Variants in TRIO observed in about 807,000 individuals in gnomAD.
TRIO encodes triple functional domain protein.
TRIO carries 58 observed loss-of-function variants against 351.9 expected under a neutral mutation model. That is an observed-to-expected ratio of 0.16 (90% CI 0.13 to 0.21). The LOEUF is 0.21. Ranked by LOEUF, TRIO falls within the 10% of genes least tolerant of loss-of-function variation. The probability of loss-of-function intolerance (pLI) is 1.00; values close to 1 mark genes in which losing one functional copy is unlikely to be tolerated. For synonymous variants in TRIO, 1,758 were observed against 1,595.7 expected (o/e 1.10, Z -2.42); for missense variants, 3,201 against 4,027.8 (o/e 0.79, Z 5.56).
At chr5:14,267,685 G>C (rs1430596167) in intron 1 of TRIO, among the ~76,000 whole-genome samples, 1 of 151,894 alleles carries the variant, frequency 6.6e-6, no homozygotes, top group East Asian at 1.9e-4. Flanking sequence ...GGTTCTTCCT[G>C]CTTTTTATTG....
At chr5:14,259,182 A>C (rs1795202260) in intron 1 of TRIO, among the ~76,000 whole-genome samples, 1 of 152,178 alleles carries the variant, frequency 6.6e-6, no homozygotes, top group East Asian at 1.9e-4. Flanking sequence ...TGATCAGTGA[A>C]TGTGTTTGAA....
intron 49 of TRIO, among the ~76,000 whole-genome samples, 200 bp downstream of exon 49, chr5:14,493,014 A>G (rs559671337): frequency 2.6e-5 from 4 of 152,334 alleles, no homozygotes; most frequent in Non-Finnish European, 5.9e-5. Context: ...TCTTTGAATA[A>G]TCTGCATTTA....
intron 34 of TRIO, among the ~76,000 whole-genome samples, chr5:14,429,865 G>A (rs562765810): frequency 1.1e-4 from 17 of 152,270 alleles, no homozygotes; most frequent in African/African-American, 3.9e-4. Flanking sequence ...GCTGACATGA[G>A]TGGTGGCATG....
intron 16 of TRIO, among the ~76,000 whole-genome samples, chr5:14,367,655 G>A (rs1199586228): frequency 2.6e-5 from 4 of 152,204 alleles, no homozygotes; most frequent in Admixed American, 6.5e-5. Context: ...CTGATTGGTA[G>A]TGGTGAGGTA....
intron 34 of TRIO, among the ~76,000 whole-genome samples, chr5:14,425,516 G>T (rs963077599): frequency 1.3e-5 from 2 of 152,202 alleles, no homozygotes; most frequent in Admixed American, 1.3e-4. Context: ...CTATGAACAT[G>T]GATGTACAAG....
chr5:14,481,411 T>C (rs962874448), intron 44 of TRIO, 127 bp downstream of exon 44: 1 of 1,472,990 alleles, frequency 6.8e-7, no homozygotes, highest in African/African-American at 1.4e-5. Flanking sequence ...GTCTCTCCAG[T>C]GCATCTCCAT....
At chr5:14,379,383 G>T (rs1745864311) in intron 20 of TRIO, among the ~76,000 whole-genome samples, 1 of 152,222 alleles carries the variant, frequency 6.6e-6, no homozygotes. Context: ...TCTGAAAAAT[G>T]TAAGTCTAGA....
chr5:14,222,538 C>T (rs1235669309), intron 1 of TRIO, among the ~76,000 whole-genome samples: 1 of 152,166 alleles, frequency 6.6e-6, no homozygotes, highest in Non-Finnish European at 1.5e-5. Context: ...ATAAAAGAAG[C>T]TGGGAAGCTT....
chr5:14,167,201 T>C (rs1788818364), intron 1 of TRIO, among the ~76,000 whole-genome samples: 1 of 151,564 alleles, frequency 6.6e-6, no homozygotes, highest in South Asian at 2.1e-4. Flanking sequence ...GATTTCTGTT[T>C]CCTAATGATT....
intron 1 of TRIO, among the ~76,000 whole-genome samples, chr5:14,148,136 C>G (rs1243017785): frequency 6.6e-6 from 1 of 152,108 alleles, no homozygotes; most frequent in Non-Finnish European, 1.5e-5. Flanking sequence ...ATTTAAGATT[C>G]AAATGAAAAT....
chr5:14,307,399 A>G (rs926227979), intron 8 of TRIO, among the ~76,000 whole-genome samples: 3 of 152,346 alleles, frequency 2.0e-5, no homozygotes, highest in South Asian at 4.1e-4. Flanking sequence ...TTAAAATGGA[A>G]CGTTCTTTAG....
At chr5:14,167,732 C>T (rs147372320) in intron 1 of TRIO, among the ~76,000 whole-genome samples, 126 of 152,222 alleles carry the variant, frequency 8.3e-4, no homozygotes, top group African/African-American at 2.8e-3. Flanking sequence ...GCAAGGGCCT[C>T]TAAGGAGCTC....
At chr5:14,183,982 A>T (rs1225900229) in intron 1 of TRIO, 1 of 697,844 alleles carries the variant, frequency 1.4e-6, no homozygotes, top group Non-Finnish European at 2.6e-6. Flanking sequence ...CCCAGACTTT[A>T]AAAAATACAG....
intron 1 of TRIO, among the ~76,000 whole-genome samples, chr5:14,170,504 CTCTCT>C (rs1238709523): frequency 2.4e-5 from 3 of 125,080 alleles, no homozygotes; most frequent in African/African-American, 6.8e-5. Flanking sequence ...TGAAGCTTCT[CTCTCT>C]TTTTTTTTTT....
intron 11 of TRIO, among the ~76,000 whole-genome samples, chr5:14,343,311 A>G (rs920785381): frequency 6.6e-6 from 1 of 152,216 alleles, no homozygotes; most frequent in African/African-American, 2.4e-5. Flanking sequence ...TATCATGTAT[A>G]GATTTGTGTA....
intron 29 of TRIO, 104 bp downstream of exon 29, chr5:14,397,258 G>A: frequency 1.2e-6 from 1 of 833,168 alleles, no homozygotes; most frequent in Non-Finnish European, 1.9e-6. Context: ...ATGTCTCTAT[G>A]TTAGTGGTTA....
intron 37 of TRIO, chr5:14,465,947 C>T (rs1303021043): frequency 5.9e-6 from 2 of 337,132 alleles, no homozygotes; most frequent in African/African-American, 4.1e-5. Flanking sequence ...CCATGCTCTC[C>T]CAGTGGAGTC....
chr5:14,250,306 C>T (rs147376121), intron 1 of TRIO, among the ~76,000 whole-genome samples: 254 of 152,286 alleles, frequency 1.7e-3, no homozygotes, highest in Admixed American at 4.0e-3. Context: ...CGGCTCAGAG[C>T]GACTGTGCGT....
chr5:14,342,694 C>T (rs1291473894), intron 11 of TRIO, among the ~76,000 whole-genome samples: 4 of 152,166 alleles, frequency 2.6e-5, no homozygotes, highest in African/African-American at 9.7e-5. Context: ...TTTGGCCTTC[C>T]TGGAAGTATT....
Sources: gnomAD v4.1 joint callset for allele counts (sites outside exome capture counted in the v4.1 genomes callset) on GRCh38, gnomAD v4.1.1 for gene constraint, MANE v1.5 for transcripts, NCBI Gene and HGNC (gene_info 2026-07-23, HGNC 2026-07-21) for gene names.